The following KLRG1 variants were observed in gnomAD, a reference collection of about 807,000 sequenced individuals.
KLRG1 encodes killer cell lectin like receptor G1, also known as killer cell lectin-like receptor subfamily G member 1.
A neutral mutation model predicts 21.8 loss-of-function variants in KLRG1; 16 were observed. The observed-to-expected ratio is 0.73, with a 90% CI of 0.50 to 1.11. The LOEUF is 1.11. KLRG1 is among the 50% of genes most tolerant of loss of function. KLRG1 has a pLI of 0.00. For synonymous variants in KLRG1, 69 were observed against 75.9 expected, an observed-to-expected ratio of 0.91 and a Z score of 0.47; for missense variants, 173 against 218.3, an observed-to-expected ratio of 0.79 and a Z score of 1.31.
the KLRG1 span, chr12:9,089,893 T>C: frequency 7.5e-6 from 12 of 1,604,210 alleles, 2 homozygotes; most frequent in South Asian, 1.2e-4. Context: ...ATTATTTAGG[T>C]TTACTTACTT....
the KLRG1 span, chr12:9,066,323 T>C: frequency 6.6e-6 from 1 of 152,542 alleles, no homozygotes; most frequent in South Asian, 2.1e-4. Flanking sequence ...CTGGTTGGCG[T>C]CACTGCATTC....
the KLRG1 span, among the ~76,000 whole-genome samples, chr12:9,049,334 G>A: frequency 5.3e-5 from 8 of 152,212 alleles, no homozygotes; most frequent in Non-Finnish European, 1.0e-4. Context: ...TGGCGGAGTG[G>A]GTGCCATATC....
the KLRG1 span, among the ~76,000 whole-genome samples, chr12:9,032,680 C>A: frequency 6.6e-6 from 1 of 152,112 alleles, no homozygotes; most frequent in Non-Finnish European, 1.5e-5. Flanking sequence ...TTGTAACTTC[C>A]CCAATTACTC....
At chr12:9,184,228 T>C in the KLRG1 span, among the ~76,000 whole-genome samples, 4 of 152,170 alleles carry the variant, frequency 2.6e-5, no homozygotes, top group Admixed American at 6.5e-5. Context: ...CATCAGAGCA[T>C]TGGCAGGCAC....
chr12:8,964,392 T>G (rs1382576868), intron 1 of KLRG1, among the ~76,000 whole-genome samples: 1 of 152,234 alleles, frequency 6.6e-6, no homozygotes, highest in Non-Finnish European at 1.5e-5. Flanking sequence ...TGCACTGTGG[T>G]CTGAGAGACA....
At chr12:8,990,259 A>G (rs1946929127) in intron 1 of KLRG1, 1 of 152,094 alleles carries the variant, frequency 6.6e-6, no homozygotes, top group Non-Finnish European at 1.5e-5. Context: ...AAGAAACTAC[A>G]GATAATAGTC....
downstream of KLRG1, among the ~76,000 whole-genome samples, chr12:9,012,024 A>T (rs1345578782): frequency 6.6e-6 from 1 of 152,194 alleles, no homozygotes; most frequent in East Asian, 1.9e-4. Flanking sequence ...GATCCTAAAT[A>T]AACTTGAAAG....
chr12:9,112,608 C>T, the KLRG1 span: 5 of 1,547,700 alleles, frequency 3.2e-6, no homozygotes, highest in South Asian at 5.7e-5. Context: ...CTGTTGCACT[C>T]TTCCCTGGAG....
the KLRG1 span, among the ~76,000 whole-genome samples, chr12:9,028,449 C>CTTT: frequency 6.9e-6 from 1 of 144,444 alleles, no homozygotes; most frequent in South Asian, 2.2e-4. Context: ...CACGCCAGGC[C>CTTT]TTTTTTTTTT....
intron 1 of KLRG1, among the ~76,000 whole-genome samples, chr12:8,991,477 C>A (rs1347121096): frequency 6.6e-6 from 1 of 152,022 alleles, no homozygotes; most frequent in African/African-American, 2.4e-5. Flanking sequence ...TCAAAAGGTA[C>A]AAAAGAAAAT....
chr12:9,095,573 C>A, the KLRG1 span: 3 of 1,612,470 alleles, frequency 1.9e-6, no homozygotes, highest in South Asian at 3.3e-5. Context: ...TTCATTTGTA[C>A]TTGATACTGG....
At position 8,995,195 on chromosome 12, in the gene KLRG1, T is replaced by C. The variant is rs1319751648; in HGVS notation, c.264T>C (p.Tyr88=). 6.2e-7 allele frequency: 1 copy of C among 1,613,930 alleles called. No individual in the cohort carries two copies. Among genetic ancestry groups the C allele is most frequent in the Non-Finnish European group, 8.5e-7 (1 of 1,179,868 alleles). ...RWMKYGNHCY[Y]FSVEEKDWNS... is the part of the protein sequence containing the mutation. ...TGAAATATGGTAACCATTGTTATTA[T>C]TTCTCAGTGGAGGAAAAGGACTGGA... The change falls in exon 3 of 5, where the codon TAT becomes TAC. Residue 88 remains tyrosine (Y), a synonymous_variant. Transcript: ENST00000356986.
chr12:8,963,344 T>A (rs1464128008), intron 1 of KLRG1, among the ~76,000 whole-genome samples: 1 of 152,168 alleles, frequency 6.6e-6, no homozygotes, highest in Non-Finnish European at 1.5e-5. Flanking sequence ...TGTAGAACAT[T>A]TAGAAATGTT....
At chr12:9,120,408 C>T in the KLRG1 span, among the ~76,000 whole-genome samples, 1 of 152,098 alleles carries the variant, frequency 6.6e-6, no homozygotes, top group African/African-American at 2.4e-5. Flanking sequence ...GAGCAAAATA[C>T]AGGAAAACAC....
the KLRG1 span, among the ~76,000 whole-genome samples, chr12:9,145,580 C>T: frequency 1.2e-4 from 18 of 152,278 alleles, no homozygotes; most frequent in African/African-American, 4.1e-4. Context: ...AAGTGACTTA[C>T]TAGCATTACA....
chr12:9,095,793 C>T, the KLRG1 span: 10 of 1,184,978 alleles, frequency 8.4e-6, no homozygotes, highest in Non-Finnish European at 1.1e-5. Flanking sequence ...CGCTCTGTCG[C>T]CCAGGCCGGA....
chr12:8,997,242 G>A (rs994326480), intron 3 of KLRG1, among the ~76,000 whole-genome samples: 5 of 152,246 alleles, frequency 3.3e-5, no homozygotes, highest in South Asian at 2.1e-4. Flanking sequence ...TGGAGAGGGC[G>A]GAATGTCCCT....
At chr12:9,152,749 A>G in the KLRG1 span, 1 of 1,475,738 alleles carries the variant, frequency 6.8e-7, no homozygotes, top group African/African-American at 1.4e-5. Flanking sequence ...CATAGCTTCC[A>G]AATGGACTAT....
chr12:8,991,128 A>C (rs980614779), intron 1 of KLRG1, among the ~76,000 whole-genome samples: 2 of 152,196 alleles, frequency 1.3e-5, no homozygotes, highest in African/African-American at 4.8e-5. Flanking sequence ...AAATGTTATT[A>C]AGCAAAGGAA....
Sources: gnomAD v4.1 joint callset for allele counts (sites outside exome capture counted in the v4.1 genomes callset) on GRCh38, gnomAD v4.1.1 for gene constraint, MANE v1.5 for transcripts, NCBI Gene and HGNC (gene_info 2026-07-23, HGNC 2026-07-21) for gene names.